Variants in CEP112 observed in about 807,000 individuals in gnomAD.
CEP112 encodes centrosomal protein of 112 kDa.
Under a neutral mutation model 153.0 loss-of-function variants are expected in CEP112, and 127 were observed. That is an observed-to-expected ratio of 0.83 (90% confidence interval 0.72 to 0.96). The LOEUF (loss-of-function observed/expected upper bound fraction) is 0.96. Ranked by LOEUF, CEP112 falls within the 40% of genes least tolerant of loss-of-function variation. The probability of loss-of-function intolerance (pLI) is 0.00; values close to 1 mark genes in which losing one functional copy is unlikely to be tolerated. For missense variants in CEP112, 1,089 were observed against 1,101.2 expected (o/e 0.99, Z 0.16); for synonymous variants, 358 against 374.4 (o/e 0.96, Z 0.51).
chr17:65,887,517 A>T (rs1316998368), intron 20 of CEP112, among the ~76,000 whole-genome samples: 1 of 152,224 alleles, frequency 6.6e-6, no homozygotes, highest in Non-Finnish European at 1.5e-5. Flanking sequence ...TTGTAATCTT[A>T]TATGACCATG....
At chr17:65,892,807 A>G (rs926177860) in intron 20 of CEP112, among the ~76,000 whole-genome samples, 3 of 152,206 alleles carry the variant, frequency 2.0e-5, no homozygotes, top group African/African-American at 4.8e-5. Context: ...AACTGGAGCT[A>G]TCATTTTAGC....
Position 65,721,052 on chromosome 17 carries a change from T to A in CEP112, c.2607+22016A>T, listed in dbSNP as rs986634008. Among the ~76,000 whole-genome samples the A allele has an allele frequency of 4.1e-5, 6 of 147,738 alleles. 1 individual carries two copies. In the East Asian group the frequency reaches 1.2e-3, roughly 29 times the overall value. ...TTTGAGACGGAGTCTCGCTCTGTTG[T>A]CCAGGATGGAGTGCAGTGGCATGAT... On this transcript the variant is annotated intron_variant, in intron 23 of 26. Transcript: ENST00000535342.
intron 20 of CEP112, among the ~76,000 whole-genome samples, chr17:65,898,974 A>G (rs1179296400): frequency 6.6e-6 from 1 of 152,202 alleles, no homozygotes; most frequent in Non-Finnish European, 1.5e-5. Flanking sequence ...CAAGGAACCT[A>G]TGTTCTATTT....
intron 23 of CEP112, among the ~76,000 whole-genome samples, chr17:65,719,901 T>C (rs954422422): frequency 1.3e-5 from 2 of 152,116 alleles, no homozygotes; most frequent in Non-Finnish European, 2.9e-5. Context: ...TGAAGAAAGA[T>C]CACTCTGGAT....
At chr17:65,929,322 T>C (rs2061041380) in intron 18 of CEP112, among the ~76,000 whole-genome samples, 1 of 152,180 alleles carries the variant, frequency 6.6e-6, no homozygotes, top group Non-Finnish European at 1.5e-5. Context: ...AGCTCATCTC[T>C]ACTGCTCTAT....
intron 20 of CEP112, among the ~76,000 whole-genome samples, chr17:65,860,014 C>CAAA (rs1186022956): frequency 6.0e-5 from 3 of 50,394 alleles, no homozygotes; most frequent in Non-Finnish European, 1.3e-4. Flanking sequence ...GACTCCATCT[C>CAAA]AAAAAAAAAA....
intron 1 of CEP112, among the ~76,000 whole-genome samples, chr17:66,184,709 T>C (rs1041133617): frequency 1.3e-5 from 2 of 152,060 alleles, no homozygotes; most frequent in African/African-American, 2.4e-5. Context: ...AAAATAAACA[T>C]ACACTCAGCC....
chr17:65,894,671 G>A (rs957981098), intron 20 of CEP112, among the ~76,000 whole-genome samples: 6 of 151,866 alleles, frequency 4.0e-5, no homozygotes, highest in Non-Finnish European at 7.4e-5. Flanking sequence ...AAATTCCTAC[G>A]CTGTTTTTAT....
chr17:65,970,016 C>A (rs972898000), intron 17 of CEP112, among the ~76,000 whole-genome samples: 2 of 152,070 alleles, frequency 1.3e-5, no homozygotes, highest in African/African-American at 4.8e-5. Flanking sequence ...ATGTGTATTG[C>A]GAACATGCAC....
At chr17:65,998,370 A>T (rs2063870466) in intron 17 of CEP112, among the ~76,000 whole-genome samples, 1 of 107,202 alleles carries the variant, frequency 9.3e-6, no homozygotes, top group African/African-American at 3.8e-5. Context: ...GTGACAGAGT[A>T]AGGCCTCGTC....
At chr17:66,181,733 CA>C (rs554459984) in intron 2 of CEP112, among the ~76,000 whole-genome samples, 29 of 152,120 alleles carry the variant, frequency 1.9e-4, no homozygotes, top group African/African-American at 7.0e-4. Context: ...AATTTTAATA[CA>C]AATGTTTCCT....
At chr17:65,749,388 G>A (rs549997793) in intron 22 of CEP112, among the ~76,000 whole-genome samples, 9 of 151,998 alleles carry the variant, frequency 5.9e-5, no homozygotes, top group East Asian at 1.9e-4. Flanking sequence ...GGCACCTGTA[G>A]TCCCAGCTAC....
At chr17:66,009,767 A>G (rs991537732) in intron 16 of CEP112, among the ~76,000 whole-genome samples, 2 of 152,138 alleles carry the variant, frequency 1.3e-5, no homozygotes, top group Non-Finnish European at 2.9e-5. Context: ...AAGATCACAC[A>G]GTTGAAGGTA....
chr17:66,055,360 G>A (rs1376485497), intron 11 of CEP112, among the ~76,000 whole-genome samples: 2 of 152,152 alleles, frequency 1.3e-5, no homozygotes, highest in African/African-American at 2.4e-5. Flanking sequence ...AGTGGTCCCC[G>A]AAATCCCTGA....
chr17:65,972,791 G>A (rs1477702897), intron 17 of CEP112, among the ~76,000 whole-genome samples: 6 of 152,034 alleles, frequency 3.9e-5, no homozygotes, highest in Admixed American at 2.0e-4. Context: ...TTTTTGAGAC[G>A]GAGTCTCACT....
chr17:65,843,008 G>A (rs559613492), intron 21 of CEP112, among the ~76,000 whole-genome samples: 18 of 151,698 alleles, frequency 1.2e-4, no homozygotes, highest in Non-Finnish European at 2.2e-4. Flanking sequence ...ATGTACCCCC[G>A]AATCTAAAAA....
At chr17:66,130,123 G>T (rs1460988900) in intron 5 of CEP112, among the ~76,000 whole-genome samples, 1 of 151,994 alleles carries the variant, frequency 6.6e-6, no homozygotes, top group Non-Finnish European at 1.5e-5. Flanking sequence ...TGCCCTCAGA[G>T]GAAAGGATTA....
intron 12 of CEP112, among the ~76,000 whole-genome samples, chr17:66,040,935 G>T (rs907736587): frequency 1.3e-5 from 2 of 152,020 alleles, no homozygotes; most frequent in Non-Finnish European, 2.9e-5. Flanking sequence ...GATATTCTAA[G>T]ATTTCCTCTT....
chr17:65,771,480 G>T (rs2053351789), intron 21 of CEP112, among the ~76,000 whole-genome samples: 1 of 152,118 alleles, frequency 6.6e-6, no homozygotes, highest in African/African-American at 2.4e-5. Flanking sequence ...GGAAGTGATA[G>T]GACAAGTAGA....
Sources: allele counts gnomAD v4.1 joint callset (sites outside exome capture counted in the v4.1 genomes callset), GRCh38; gene constraint gnomAD v4.1.1; transcripts MANE v1.5; gene names NCBI Gene and HGNC (gene_info 2026-07-23, HGNC 2026-07-21).